Variants in PCDH9 observed in about 807,000 individuals in gnomAD.
The protein encoded by PCDH9 is protocadherin-9.
Under a neutral mutation model 70.6 loss-of-function variants are expected in PCDH9, and 24 were observed. That is an observed-to-expected ratio of 0.34 (90% CI 0.25 to 0.48). PCDH9 has a LOEUF of 0.48. Among genes scored for constraint, PCDH9 ranks in the 20% least tolerant of loss-of-function variants. PCDH9 has a pLI of 0.99. For missense variants in PCDH9, 1,281 were observed against 1,503.6 expected (o/e 0.85, Z 2.45); for synonymous variants, 562 against 558.5 (o/e 1.01, Z -0.09).
intron 2 of PCDH9, among the ~76,000 whole-genome samples, chr13:67,009,670 C>T (rs972101479): frequency 2.0e-5 from 3 of 152,016 alleles, no homozygotes; most frequent in South Asian, 4.1e-4. Context: ...TTCCACCCAT[C>T]GTTGACTCTC....
At chr13:66,823,904 T>C (rs1042989852) in intron 3 of PCDH9, among the ~76,000 whole-genome samples, 4 of 152,124 alleles carry the variant, frequency 2.6e-5, no homozygotes, top group African/African-American at 9.6e-5. Flanking sequence ...TCTATGTAGT[T>C]GTCACATCAA....
At chr13:66,337,751 C>T in intron 4 of PCDH9, among the ~76,000 whole-genome samples, 1 of 151,938 alleles carries the variant, frequency 6.6e-6, no homozygotes, top group East Asian at 1.9e-4. Flanking sequence ...ATAGTCATAG[C>T]CACTACACAA....
At chr13:66,804,725 A>T (rs1164348373) in intron 3 of PCDH9, among the ~76,000 whole-genome samples, 2 of 152,178 alleles carry the variant, frequency 1.3e-5, no homozygotes, top group African/African-American at 4.8e-5. Flanking sequence ...ATTTTCTGCA[A>T]ATTTTGGGAT....
At chr13:67,030,780 G>A (rs950128859) in intron 2 of PCDH9, among the ~76,000 whole-genome samples, 8 of 152,094 alleles carry the variant, frequency 5.3e-5, no homozygotes, top group Non-Finnish European at 1.2e-4. Flanking sequence ...GAATAAAGGT[G>A]TCACCCTATA....
At chr13:66,440,705 C>T (rs968139955) in intron 4 of PCDH9, among the ~76,000 whole-genome samples, 4 of 152,032 alleles carry the variant, frequency 2.6e-5, no homozygotes, top group African/African-American at 9.7e-5. Flanking sequence ...AACCCTGTTG[C>T]ATTTCTTCTT....
In PCDH9 at chr13:66,513,349, A is replaced by T. The variant is rs1419341991; in HGVS notation, c.3340+117861T>A. ...ATGTAACTTTCTTTAAAAATAATTTAAAAATCATGCTGTATTATATGTTTA... is the reference window on the plus strand; with the variant it reads ...ATGTAACTTTCTTTAAAAATAATTTTAAAATCATGCTGTATTATATGTTTA... On this transcript the variant is annotated intron_variant, in intron 4 of 4. Transcript: ENST00000377865. Among the ~76,000 whole-genome samples, 9 of 152,172 alleles carry T rather than the reference A, an allele frequency of 5.9e-5. 1 individual carries two copies. The highest frequency in any genetic ancestry group is 5.9e-4 in the Admixed American group (9 of 15,258).
chr13:67,209,048 T>C (rs2089416483), intron 2 of PCDH9: 1 of 152,140 alleles, frequency 6.6e-6, no homozygotes, highest in South Asian at 2.1e-4. Flanking sequence ...TGCTCTTCTA[T>C]TAGGGAAACA....
intron 4 of PCDH9, among the ~76,000 whole-genome samples, chr13:66,628,568 T>G (rs1593803362): frequency 6.6e-6 from 1 of 152,134 alleles, no homozygotes; most frequent in East Asian, 1.9e-4. Context: ...GTTGAGTGAT[T>G]ATAGCTCACT....
At chr13:66,519,101 A>G (rs1033281273) in intron 4 of PCDH9, among the ~76,000 whole-genome samples, 11 of 152,300 alleles carry the variant, frequency 7.2e-5, no homozygotes, top group Admixed American at 3.3e-4. Context: ...TGCACTTTGG[A>G]AAGTTAACTG....
chr13:66,949,330 A>G (rs1445520467), intron 2 of PCDH9, among the ~76,000 whole-genome samples: 3 of 152,172 alleles, frequency 2.0e-5, no homozygotes, highest in Non-Finnish European at 4.4e-5. Context: ...CATCATTAAA[A>G]AGCCTTTTGG....
intron 2 of PCDH9, among the ~76,000 whole-genome samples, chr13:66,959,802 T>C (rs948404918): frequency 6.6e-6 from 1 of 151,624 alleles, no homozygotes; most frequent in East Asian, 1.9e-4. Flanking sequence ...CATGACCTGA[T>C]AACTTGAACT....
Position 66,715,646 on chromosome 13 carries a change from T to C in PCDH9, c.3139-84235A>G, listed in dbSNP as rs538983197. 7.9e-5 allele frequency among the ~76,000 whole-genome samples: 12 copies of C among 152,326 alleles called. No homozygotes were observed. In the South Asian group the frequency reaches 2.3e-3, roughly 29 times the overall value. ...ATTGTGCACATCTTTGTGTGTAATA[T>C]GCTATCTGCTTCCACAATGATCTAC... On this transcript the variant is annotated intron_variant, in intron 3 of 4. Transcript: ENST00000377865.
chr13:66,704,298 A>C (rs184525662), intron 3 of PCDH9, among the ~76,000 whole-genome samples: 131 of 152,312 alleles, frequency 8.6e-4, no homozygotes, highest in African/African-American at 3.0e-3. Context: ...ACATGCTTTC[A>C]CTTCAGTTAA....
At chr13:66,666,159 T>C (rs919484590) in intron 3 of PCDH9, among the ~76,000 whole-genome samples, 6 of 152,168 alleles carry the variant, frequency 3.9e-5, no homozygotes, top group Admixed American at 3.9e-4. Flanking sequence ...CTGGTAGCCA[T>C]GGCAACAGGG....
At chr13:66,761,420 T>A (rs889332937) in intron 3 of PCDH9, among the ~76,000 whole-genome samples, 3 of 152,084 alleles carry the variant, frequency 2.0e-5, no homozygotes, top group African/African-American at 7.2e-5. Context: ...TATTCTTTTT[T>A]AAAAAATAAG....
chr13:66,493,964 C>A lies in PCDH9; in HGVS notation c.3340+137246G>T, dbSNP rs546071857. Reference sequence around the variant, plus strand: ...CAATATGATGTTTCACTAATGATAACAATAGCAATATTAAACCATGATTAT... The same window carrying A: ...CAATATGATGTTTCACTAATGATAAAAATAGCAATATTAAACCATGATTAT... On this transcript the variant is annotated intron_variant, in intron 4 of 4. Transcript: ENST00000377865. Among the ~76,000 whole-genome samples, 4 of 148,600 alleles carry A rather than the reference C, an allele frequency of 2.7e-5. No individual in the cohort carries two copies. In the East Asian group the frequency reaches 7.7e-4, roughly 29 times the overall value.
chr13:66,725,225 G>C (rs1160166811), intron 3 of PCDH9, among the ~76,000 whole-genome samples: 1 of 152,106 alleles, frequency 6.6e-6, no homozygotes, highest in East Asian at 1.9e-4. Flanking sequence ...ACTTTCAAAA[G>C]ATATCAAGAA....
intron 4 of PCDH9, among the ~76,000 whole-genome samples, chr13:66,497,779 C>A (rs1221245009): frequency 6.7e-6 from 1 of 150,016 alleles, no homozygotes; most frequent in African/African-American, 2.4e-5. Context: ...TAAGGACATA[C>A]ACAGAGTTGA....
At chr13:66,977,605 G>C (rs1566334677) in intron 2 of PCDH9, 1 of 152,116 alleles carries the variant, frequency 6.6e-6, no homozygotes, top group Non-Finnish European at 1.5e-5. Context: ...TTTCCGAGCA[G>C]GTGTCTCTTT....
Sources: gnomAD v4.1 joint callset for allele counts (sites outside exome capture counted in the v4.1 genomes callset) on GRCh38, gnomAD v4.1.1 for gene constraint, MANE v1.5 for transcripts, NCBI Gene and HGNC (gene_info 2026-07-23, HGNC 2026-07-21) for gene names.